ZNF423: variants seen among roughly 807,000 people sequenced by gnomAD.
The protein encoded by ZNF423 is Ebf-associated zinc finger protein.
ZNF423 carries 12 observed loss-of-function variants against 95.8 expected under a neutral mutation model. That is an observed-to-expected ratio of 0.13 (90% CI 0.08 to 0.20). The LOEUF (loss-of-function observed/expected upper bound fraction) is 0.20. ZNF423 is among the 10% of genes least tolerant of loss of function. The pLI is 1.00. For missense variants in ZNF423, 1,316 were observed against 1,737.1 expected (o/e 0.76, Z 4.31); for synonymous variants, 749 against 711.9 (o/e 1.05, Z -0.83).
At chr16:49,498,851 T>C (rs1313326450) in intron 7 of ZNF423, among the ~76,000 whole-genome samples, 1 of 152,156 alleles carries the variant, frequency 6.6e-6, no homozygotes, top group Non-Finnish European at 1.5e-5. Context: ...TGGCCTGTCT[T>C]AAAGGCTCAT....
intron 3 of ZNF423, among the ~76,000 whole-genome samples, chr16:49,726,092 G>A (rs1469892881): frequency 6.6e-6 from 1 of 152,200 alleles, no homozygotes; most frequent in Non-Finnish European, 1.5e-5. Flanking sequence ...CAGCCCCGGG[G>A]ACCTGGGCTG....
At chr16:49,503,166 C>A (rs1248916585) in intron 7 of ZNF423, among the ~76,000 whole-genome samples, 1 of 152,080 alleles carries the variant, frequency 6.6e-6, no homozygotes, top group Non-Finnish European at 1.5e-5. Flanking sequence ...CTACCCTGTG[C>A]GGCTAATCTG....
intron 3 of ZNF423, among the ~76,000 whole-genome samples, chr16:49,690,807 G>A (rs2031750203): frequency 6.6e-6 from 1 of 152,204 alleles, no homozygotes; most frequent in Non-Finnish European, 1.5e-5. Flanking sequence ...GGAGTCACTG[G>A]AGGATGGGAG....
Position 49,837,989 on chromosome 16 carries a change from G to C in ZNF423, c.40+17746C>G, listed in dbSNP as rs529093327. On this transcript the variant is annotated intron_variant, in intron 1 of 7. Coordinates refer to ENST00000563137, the MANE Select transcript of ZNF423 (RefSeq NM_001379286.1). ...TTATTGTCTGTCTTGCTACTAAGCC[G>C]TAAGCTCCCTGAAGGCAAGGACCCA... 3.3e-5 allele frequency among the ~76,000 whole-genome samples: 5 copies of C among 152,310 alleles called. No homozygotes were observed. The East Asian group carries it at 9.7e-4, about 29-fold the overall frequency.
intron 7 of ZNF423, among the ~76,000 whole-genome samples, chr16:49,514,243 C>A (rs1968035285): frequency 7.1e-6 from 1 of 141,562 alleles, no homozygotes; most frequent in African/African-American, 2.8e-5. Flanking sequence ...CACACACGCA[C>A]ACGCACACAC....
rs548978732 is a variant in ZNF423, at chr16:49,853,092, G to A, written c.40+2643C>T. 7.2e-5 allele frequency among the ~76,000 whole-genome samples: 11 copies of A among 152,252 alleles called. 1 individual carries two copies. The highest frequency in any genetic ancestry group is 3.9e-4 in the East Asian group (2 of 5,186). ...CTTTCACAGCAGAATGCTCGGGGCC[G>A]GGGAAGTCCACAAAGCCTCTACATT... On this transcript the variant is annotated intron_variant, in intron 1 of 7. Transcript: ENST00000563137.
At chr16:49,680,779 G>A (rs377018029) in intron 3 of ZNF423, among the ~76,000 whole-genome samples, 51 of 152,348 alleles carry the variant, frequency 3.3e-4, no homozygotes, top group African/African-American at 1.2e-3. Flanking sequence ...CCCTTGGCAG[G>A]TATGGGATCC....
chr16:49,631,162 C>A (rs1972480740), intron 4 of ZNF423, among the ~76,000 whole-genome samples: 1 of 152,194 alleles, frequency 6.6e-6, no homozygotes, highest in Admixed American at 6.5e-5. Flanking sequence ...TCACTCACCA[C>A]AACCCCAGTA....
At chr16:49,856,702 C>T (rs1460112057), upstream of ZNF423, among the ~76,000 whole-genome samples, 1 of 148,708 alleles carries the variant, frequency 6.7e-6, no homozygotes, top group Non-Finnish European at 1.5e-5. Flanking sequence ...CGGGGGCGCT[C>T]AGGCGGCGGC....
rs145203416 is a variant in ZNF423, at chr16:49,641,179, G to A, written c.302-2305C>T. Among the ~76,000 whole-genome samples the A allele has an allele frequency of 6.6e-5, 10 of 152,360 alleles. No individual in the cohort carries two copies. The East Asian group carries it at 1.5e-3, about 24-fold the overall frequency. On this transcript the variant is annotated intron_variant, in intron 3 of 7. Coordinates refer to ENST00000563137, the MANE Select transcript of ZNF423 (RefSeq NM_001379286.1). ...CCACTGGACAGACGAGGAAACTGAG[G>A]CACGGCCTCAGAGACTTGCTCTGGG...
chr16:49,609,838 G>A (rs980529209), intron 5 of ZNF423, among the ~76,000 whole-genome samples: 7 of 152,084 alleles, frequency 4.6e-5, no homozygotes, highest in African/African-American at 1.2e-4. Context: ...GAAGCTGAGT[G>A]AAACTCAAAA....
At chr16:49,852,081 A>G (rs903447170) in intron 1 of ZNF423, among the ~76,000 whole-genome samples, 1 of 152,276 alleles carries the variant, frequency 6.6e-6, no homozygotes, top group East Asian at 1.9e-4. Flanking sequence ...GCCTCTATTT[A>G]TTACATCTCA....
chr16:49,625,356 T>C (rs1165444949), intron 5 of ZNF423, among the ~76,000 whole-genome samples: 2 of 152,100 alleles, frequency 1.3e-5, no homozygotes, highest in African/African-American at 4.8e-5. Flanking sequence ...CTGTCTAAAA[T>C]AAAAAATTAA....
chr16:49,822,548 C>T, intron 1 of ZNF423: 1 of 700,556 alleles, frequency 1.4e-6, no homozygotes, highest in Non-Finnish European at 2.3e-6. Flanking sequence ...CAGGCAAGGC[C>T]CCTAGCTGAG....
intron 2 of ZNF423, among the ~76,000 whole-genome samples, chr16:49,785,245 TTTTGTTTTTATTC>T (rs1407211867): frequency 6.6e-6 from 1 of 151,936 alleles, no homozygotes; most frequent in African/African-American, 2.4e-5. Context: ...CCCAGGGCTA[TTTTGTTTTTATTC>T]TTTGTAGAGA....
rs545809910 is a variant in ZNF423 at position 49,499,357 on chromosome 16, G to A, written c.3850-8053C>T. Among the ~76,000 whole-genome samples, 61 of 152,376 alleles carry A rather than the reference G, an allele frequency of 4.0e-4. 1 individual carries two copies. The South Asian group carries it at 0.011, about 26-fold the overall frequency. ...AGTGTTGCAACGCTCAGCCAGGGAA[G>A]CTGTCTCTCATGTGAGAGCCTCAAT... On this transcript the variant is annotated intron_variant, in intron 7 of 7. Coordinates refer to ENST00000563137, the MANE Select transcript of ZNF423 (RefSeq NM_001379286.1).
intron 5 of ZNF423, among the ~76,000 whole-genome samples, chr16:49,568,261 T>G (rs534609006): frequency 1.2e-3 from 179 of 152,268 alleles, no homozygotes; most frequent in Non-Finnish European, 2.0e-3. Flanking sequence ...ACCATGGAAC[T>G]GCCAGCTAAG....
In ZNF423 at chr16:49,638,684, G is replaced by A. The variant is rs550048605; in HGVS notation, c.492C>T (p.His164=). 70 of 1,614,162 alleles carry A rather than the reference G, an allele frequency of 4.3e-5. No individual in the cohort carries two copies. In the Middle Eastern group the frequency reaches 4.9e-4, roughly 11 times the overall value. ...SFIRLSYLKR[H]EQIHSDKLPF... ...GCAGCTTGTCGCTGTGGATCTGCTCGTGCCTCTTCAAGTAGCTCAAGCGGA... is the reference window on the plus strand; with the variant it reads ...GCAGCTTGTCGCTGTGGATCTGCTCATGCCTCTTCAAGTAGCTCAAGCGGA... Residue 164 remains histidine (H), a synonymous_variant, in exon 4 of 8, where the codon CAC becomes CAT. Transcript: ENST00000563137. This position sits in a 1 kb window ranked among gnomAD's most constrained non-coding sequence, Gnocchi z 5.6.
At chr16:49,496,421 T>G (rs55784893) in intron 7 of ZNF423, among the ~76,000 whole-genome samples, 39,702 of 151,892 alleles carry the variant, frequency 0.26, 5,294 homozygotes, top group South Asian at 0.32. Flanking sequence ...GACTTACCAT[T>G]AGATCTGCTT....
Sources: gnomAD v4.1 joint callset for allele counts (sites outside exome capture counted in the v4.1 genomes callset) on GRCh38, gnomAD v4.1.1 for gene constraint, Gnocchi (gnomAD v3.1) non-coding constraint, MANE v1.5 for transcripts, NCBI Gene and HGNC (gene_info 2026-07-23, HGNC 2026-07-21) for gene names.